Variants in SNX9 observed in about 807,000 individuals in gnomAD.
SNX9 encodes the protein sorting nexin 9.
A neutral mutation model predicts 89.4 loss-of-function variants in SNX9; 44 were observed. The observed-to-expected ratio is 0.49, with a 90% CI of 0.39 to 0.63. The LOEUF (loss-of-function observed/expected upper bound fraction) is 0.63. SNX9 is among the 30% of genes least tolerant of loss of function. The pLI is 0.00. For missense variants in SNX9, 578 were observed against 736.1 expected (o/e 0.79, Z 2.49); for synonymous variants, 236 against 247.8 (o/e 0.95, Z 0.45).
At chr6:157,873,006 C>CT (rs897857148) in intron 2 of SNX9, 96 bp from the exon 3 acceptor site, 7 of 904,074 alleles carry the variant, frequency 7.7e-6, no homozygotes, top group African/African-American at 3.4e-5. Flanking sequence ...ATGTTAATTG[C>CT]TTTTTTTATG....
At chr6:157,826,665 T>A (rs1231587375) in intron 1 of SNX9, among the ~76,000 whole-genome samples, 1 of 131,334 alleles carries the variant, frequency 7.6e-6, no homozygotes, top group Non-Finnish European at 1.5e-5. Context: ...ATACAAAAGC[T>A]GCAGAGCATT....
chr6:157,940,612 T>C (rs1384340286), intron 16 of SNX9, among the ~76,000 whole-genome samples: 1 of 152,220 alleles, frequency 6.6e-6, no homozygotes, highest in Non-Finnish European at 1.5e-5. Context: ...GAGATGGGGT[T>C]TTGCCATGCT....
At chr6:157,861,675 G>T (rs1049342432) in intron 1 of SNX9, among the ~76,000 whole-genome samples, 1 of 152,174 alleles carries the variant, frequency 6.6e-6, no homozygotes, top group Non-Finnish European at 1.5e-5. Context: ...AGTGACGGGG[G>T]ATATGTTCCG....
At chr6:157,839,584 A>G (rs557657092) in intron 1 of SNX9, among the ~76,000 whole-genome samples, 1 of 152,358 alleles carries the variant, frequency 6.6e-6, no homozygotes, top group Non-Finnish European at 1.5e-5. Flanking sequence ...AGTGGGGGAA[A>G]AATTATAATT....
intron 1 of SNX9, among the ~76,000 whole-genome samples, chr6:157,832,104 A>G (rs949259518): frequency 2.5e-4 from 38 of 152,254 alleles, no homozygotes; most frequent in African/African-American, 8.9e-4. Flanking sequence ...TTGTAAATGC[A>G]GTGTTTAAGG....
intron 1 of SNX9, among the ~76,000 whole-genome samples, chr6:157,825,092 A>G (rs1184376867): frequency 6.6e-6 from 1 of 152,132 alleles, no homozygotes. Flanking sequence ...TACTAAAAAT[A>G]CAGAAATTAG....
At chr6:157,863,793 G>A (rs1237484820) in intron 1 of SNX9, among the ~76,000 whole-genome samples, 1 of 152,192 alleles carries the variant, frequency 6.6e-6, no homozygotes, top group Admixed American at 6.5e-5. Flanking sequence ...GGGGTGCTGG[G>A]AGATGACGCC....
At chr6:157,935,540 C>T (rs1783906113) in intron 13 of SNX9, among the ~76,000 whole-genome samples, 2 of 152,038 alleles carry the variant, frequency 1.3e-5, no homozygotes, top group African/African-American at 4.8e-5. Context: ...AAAAAGGGGC[C>T]GAGGGAGAAG....
chr6:157,828,204 A>G (rs1211583595), intron 1 of SNX9, among the ~76,000 whole-genome samples: 1 of 136,414 alleles, frequency 7.3e-6, no homozygotes, highest in Non-Finnish European at 1.6e-5. Flanking sequence ...TATGTGTCTT[A>G]AGTAGAGTGT....
In SNX9 at chr6:157,865,025, C is replaced by CAAACA. The variant is rs546355114; in HGVS notation, c.13-2508_13-2504dup. On this transcript the variant is annotated intron_variant, in intron 1 of 17. Transcript: ENST00000392185. Reference sequence around the variant, plus strand: ...CTGGCGACAGAGAGAGACTCTGGCTCAAACAAAACAAAACAAAAACAAAAA... The same window carrying CAAACA: ...CTGGCGACAGAGAGAGACTCTGGCTCAAACAAAACAAAACAAAACAAAAACAAAAA... 5.2e-3 allele frequency among the ~76,000 whole-genome samples: 792 copies of CAAACA among 151,188 alleles called. 7 individuals are homozygous for CAAACA. Among genetic ancestry groups the CAAACA allele is most frequent in the African/African-American group, 0.018 (755 of 41,102 alleles).
chr6:157,869,536 C>A (rs1782345642), intron 2 of SNX9, among the ~76,000 whole-genome samples: 1 of 152,176 alleles, frequency 6.6e-6, no homozygotes, highest in East Asian at 1.9e-4. Flanking sequence ...TGGTTTCTCT[C>A]CCTAGAGTTT....
intron 13 of SNX9, among the ~76,000 whole-genome samples, chr6:157,933,362 TA>T (rs1275687807): frequency 1.3e-5 from 2 of 152,158 alleles, no homozygotes; most frequent in Non-Finnish European, 2.9e-5. Context: ...TCCTGTCACT[TA>T]TAGAAGTGGT....
At chr6:157,880,099 C>T (rs961434832) in intron 4 of SNX9, among the ~76,000 whole-genome samples, 1 of 152,188 alleles carries the variant, frequency 6.6e-6, no homozygotes, top group Admixed American at 6.5e-5. Flanking sequence ...CTGTTTCACA[C>T]CCCGCCAGTC....
rs549488050 is a variant in SNX9 at position 157,823,993 on chromosome 6, C to G, written c.12+547C>G. Among the ~76,000 whole-genome samples, 50 of 152,356 alleles carry G rather than the reference C, an allele frequency of 3.3e-4. 1 individual carries two copies. Among genetic ancestry groups the G allele is most frequent in the African/African-American group, 1.1e-3 (47 of 41,592 alleles). The stretch of plus-strand genomic sequence containing the variant: ...ACCGAGGCTGGGACGCCCCGCGCCC[C>G]TTTGCCTTCGCTGCTGTTATTTTTT... On this transcript the variant is annotated intron_variant, in intron 1 of 17. Coordinates refer to ENST00000392185, the MANE Select transcript of SNX9 (RefSeq NM_016224.5). This position sits in a 1 kb window ranked among gnomAD's most constrained non-coding sequence, Gnocchi z 4.6.
At chr6:157,883,614 CTTATCT>C (rs1028886123) in intron 4 of SNX9, among the ~76,000 whole-genome samples, 39 of 152,240 alleles carry the variant, frequency 2.6e-4, no homozygotes, top group African/African-American at 8.9e-4. Context: ...CCATCATCAC[CTTATCT>C]TTAAGTTATG....
intron 12 of SNX9, among the ~76,000 whole-genome samples, chr6:157,930,717 C>T (rs1583244528): frequency 6.6e-6 from 1 of 152,164 alleles, no homozygotes; most frequent in Non-Finnish European, 1.5e-5. Context: ...ACCATCCCCC[C>T]GACCCACTGT....
intron 4 of SNX9, among the ~76,000 whole-genome samples, chr6:157,894,294 G>A (rs926794611): frequency 2.0e-5 from 3 of 150,824 alleles, no homozygotes; most frequent in African/African-American, 7.3e-5. Flanking sequence ...ATTTTTAGTA[G>A]AGATGGGGTT....
At chr6:157,882,922 T>C (rs1038681180) in intron 4 of SNX9, among the ~76,000 whole-genome samples, 9 of 152,214 alleles carry the variant, frequency 5.9e-5, no homozygotes, top group Admixed American at 2.6e-4. Context: ...TTTGAGAGAA[T>C]TGATTCCAGT....
chr6:157,875,145 C>T lies in SNX9; in HGVS notation c.269C>T (p.Ala90Val). ...TCTCTCTCAGCCAGCACAGCTCAGGCCAGTTCGTCGGCTGCCAGCAACAAT... is the reference window on the plus strand; with the variant it reads ...TCTCTCTCAGCCAGCACAGCTCAGGTCAGTTCGTCGGCTGCCAGCAACAAT... ...LDSLSASTAQ[A>V]SSSAASNNHQ... Residue 90 changes from alanine (A) to valine (V), a missense_variant, in exon 4 of 18, where the codon GCC (alanine) becomes GTC (valine). This residue lies in a region of SNX9 where 230 missense variants were observed against 244.7 expected (regional missense o/e 0.94). Transcript: ENST00000392185. 6.2e-7 allele frequency: 1 copy of T among 1,611,050 alleles called. No individual in the cohort carries two copies.
Sources: allele counts gnomAD v4.1 joint callset (sites outside exome capture counted in the v4.1 genomes callset), GRCh38; gene constraint gnomAD v4.1.1; regional missense constraint gnomAD v4.1.1; non-coding constraint Gnocchi (gnomAD v3.1); transcripts MANE v1.5; gene names NCBI Gene and HGNC (gene_info 2026-07-23, HGNC 2026-07-21).